The following TENM4 variants were observed in gnomAD, a reference collection of about 807,000 sequenced individuals.
The protein encoded by TENM4 is teneurin-4.
TENM4 carries 82 observed loss-of-function variants against 243.3 expected under a neutral mutation model. That is an observed-to-expected ratio of 0.34 (90% CI 0.28 to 0.40). The LOEUF (loss-of-function observed/expected upper bound fraction) is 0.40. Ranked by LOEUF, TENM4 falls within the 10% of genes least tolerant of loss-of-function variation. TENM4 has a pLI of 1.00. For synonymous variants in TENM4, 1,412 were observed against 1,456.3 expected (o/e 0.97, Z 0.69); for missense variants, 3,138 against 3,673.3 (o/e 0.85, Z 3.77).
At chr11:78,990,227 G>C (rs1288635225) in intron 6 of TENM4, among the ~76,000 whole-genome samples, 2 of 152,150 alleles carry the variant, frequency 1.3e-5, no homozygotes, top group Non-Finnish European at 2.9e-5. Context: ...GGTCAAAGAA[G>C]ACAGCTCAAG....
At chr11:79,098,203 G>T (rs1267867001) in intron 4 of TENM4, among the ~76,000 whole-genome samples, 2 of 145,718 alleles carry the variant, frequency 1.4e-5, no homozygotes, top group South Asian at 4.5e-4. Context: ...CTGCATGCGG[G>T]TCTCTTGTGT....
chr11:78,937,519 T>C (rs747900776), intron 6 of TENM4, among the ~76,000 whole-genome samples: 3 of 152,188 alleles, frequency 2.0e-5, no homozygotes, highest in Non-Finnish European at 4.4e-5. Flanking sequence ...CCAAATGTAT[T>C]TGTCCATGGA....
In TENM4 at chr11:78,998,185, C is replaced by T. The variant is rs548683830; in HGVS notation, c.493+66553G>A. On this transcript the variant is annotated intron_variant, in intron 6 of 33. Transcript: ENST00000278550. ...ATTTGCTCAGTGGTCAATGGAACCA[C>T]ACCCAGGCTTCATGGTACAGTAGAA... 6.6e-5 allele frequency among the ~76,000 whole-genome samples: 10 copies of T among 152,340 alleles called. No individual in the cohort carries two copies. In the South Asian group the frequency reaches 1.9e-3, roughly 28 times the overall value.
chr11:79,318,137 T>G (rs1381464715), intron 1 of TENM4, among the ~76,000 whole-genome samples: 1 of 152,204 alleles, frequency 6.6e-6, no homozygotes, highest in Non-Finnish European at 1.5e-5. Context: ...TGAGAAATGA[T>G]GATTTAAAAA....
chr11:79,188,800 G>C (rs530002107), intron 3 of TENM4, among the ~76,000 whole-genome samples: 1 of 152,222 alleles, frequency 6.6e-6, no homozygotes, highest in Admixed American at 6.5e-5. Context: ...CCAAGGATAG[G>C]GTGTGGTGAT....
intron 2 of TENM4, among the ~76,000 whole-genome samples, chr11:79,274,110 G>A (rs1856013876): frequency 6.6e-6 from 1 of 152,228 alleles, no homozygotes; most frequent in South Asian, 2.1e-4. Context: ...TAAATGTGGA[G>A]CAGGAGGATG....
intron 27 of TENM4, among the ~76,000 whole-genome samples, chr11:78,704,813 C>T (rs529477121): frequency 1.3e-5 from 2 of 152,184 alleles, no homozygotes; most frequent in Non-Finnish European, 2.9e-5. Context: ...TAAAAAGAAA[C>T]CCCAATACAT....
intron 2 of TENM4, among the ~76,000 whole-genome samples, chr11:79,240,150 T>C (rs1212450623): frequency 6.6e-6 from 1 of 152,116 alleles, no homozygotes; most frequent in Non-Finnish European, 1.5e-5. Flanking sequence ...TTAGTTTCCT[T>C]GTCCCTCAGG....
intron 3 of TENM4, among the ~76,000 whole-genome samples, chr11:79,197,177 T>C (rs1406473997): frequency 6.6e-6 from 1 of 152,188 alleles, no homozygotes; most frequent in Non-Finnish European, 1.5e-5. Context: ...CACAGGTTAC[T>C]GAGAGCAGTT....
At chr11:79,372,399 C>T (rs1424491464) in intron 1 of TENM4, among the ~76,000 whole-genome samples, 1 of 152,228 alleles carries the variant, frequency 6.6e-6, no homozygotes, top group Non-Finnish European at 1.5e-5. Flanking sequence ...GTCAGAACCA[C>T]ACAAGCCCCT....
chr11:79,236,793 G>A (rs926101862), intron 2 of TENM4, among the ~76,000 whole-genome samples: 7 of 152,172 alleles, frequency 4.6e-5, no homozygotes, highest in Admixed American at 4.6e-4. Flanking sequence ...TGCACCCACA[G>A]GATTGTAGAG....
chr11:79,219,630 G>A (rs544410490), intron 2 of TENM4, among the ~76,000 whole-genome samples: 1 of 152,318 alleles, frequency 6.6e-6, no homozygotes, highest in Non-Finnish European at 1.5e-5. Context: ...TAGTGAGGAA[G>A]CAAGGGAGAC....
intron 15 of TENM4, among the ~76,000 whole-genome samples, chr11:78,789,909 G>A (rs1857018536): frequency 6.6e-6 from 1 of 152,190 alleles, no homozygotes; most frequent in African/African-American, 2.4e-5. Context: ...AGTTTTGCCT[G>A]CTCTATGACC....
At chr11:79,368,554 A>C (rs1485131109) in intron 1 of TENM4, among the ~76,000 whole-genome samples, 1 of 152,194 alleles carries the variant, frequency 6.6e-6, no homozygotes, top group Non-Finnish European at 1.5e-5. Context: ...CTTGCTTTCC[A>C]ACTTCCATCC....
At chr11:79,270,191 T>C (rs960487465) in intron 2 of TENM4, among the ~76,000 whole-genome samples, 2 of 152,146 alleles carry the variant, frequency 1.3e-5, no homozygotes, top group Admixed American at 1.3e-4. Flanking sequence ...CTTTCCTCCC[T>C]GGAGGCTTTG....
chr11:79,273,533 C>T (rs924062695), intron 2 of TENM4, among the ~76,000 whole-genome samples: 5 of 152,204 alleles, frequency 3.3e-5, no homozygotes, highest in African/African-American at 9.7e-5. Context: ...TTATTTCAAT[C>T]GCTTCGCAAA....
rs116653950 is a variant in TENM4 at position 78,864,412 on chromosome 11, C to G, written c.1085-1280G>C. Among the ~76,000 whole-genome samples, 606 of 105,418 alleles carry G rather than the reference C, an allele frequency of 5.7e-3. 5 individuals are homozygous for G. In the Middle Eastern group the frequency reaches 0.062, roughly 11 times the overall value. The allele number at this position is 105,418 out of a possible 152,430, so 69.2% of individuals were successfully genotyped here. ...TCCCGCCACTGCACTCCAGCCTGGGCGACAGAGCGAGACTCCGTCTCAAAA... is the reference window on the plus strand; with the variant it reads ...TCCCGCCACTGCACTCCAGCCTGGGGGACAGAGCGAGACTCCGTCTCAAAA... On this transcript the variant is annotated intron_variant, in intron 9 of 33. Transcript: ENST00000278550.
At chr11:78,791,813 C>T (rs973850876) in intron 15 of TENM4, among the ~76,000 whole-genome samples, 4 of 152,194 alleles carry the variant, frequency 2.6e-5, no homozygotes, top group South Asian at 2.1e-4. Flanking sequence ...TGAATTCTGA[C>T]GTTTGCAACA....
intron 9 of TENM4, among the ~76,000 whole-genome samples, chr11:78,884,286 G>A (rs935415650): frequency 3.3e-5 from 5 of 152,152 alleles, no homozygotes; most frequent in South Asian, 2.1e-4. Context: ...ACCATCATGC[G>A]GCTCCTGGTT....
Sources: allele counts gnomAD v4.1 joint callset (sites outside exome capture counted in the v4.1 genomes callset), GRCh38; gene constraint gnomAD v4.1.1; transcripts MANE v1.5; gene names NCBI Gene and HGNC (gene_info 2026-07-23, HGNC 2026-07-21).